The following DPH6 variants were observed in gnomAD, a reference collection of about 807,000 sequenced individuals.
The protein encoded by DPH6 is diphthamine biosynthesis 6, also known as diphthine--ammonia ligase.
DPH6 carries 33 observed loss-of-function variants against 38.2 expected under a neutral mutation model. The ratio of observed to expected loss-of-function variants is 0.86; its 90% confidence interval spans 0.65 to 1.15. The LOEUF (loss-of-function observed/expected upper bound fraction) is 1.15. Ranked by LOEUF, DPH6 falls within the 50% of genes most tolerant of loss-of-function variation. DPH6 has a pLI of 0.00. For missense variants in DPH6, 325 were observed against 320.0 expected (o/e 1.02, Z -0.12); for synonymous variants, 108 against 103.0 (o/e 1.05, Z -0.30).
At chr15:35,496,889 C>G (rs1167091678) in intron 3 of DPH6, among the ~76,000 whole-genome samples, 1 of 151,996 alleles carries the variant, frequency 6.6e-6, no homozygotes, top group Non-Finnish European at 1.5e-5. Flanking sequence ...GCTCTCCCAC[C>G]TGCCAGAGGT....
At chr15:35,307,879 T>C (rs1052490161) in intron 3 of DPH6, among the ~76,000 whole-genome samples, 8 of 152,176 alleles carry the variant, frequency 5.3e-5, no homozygotes, top group Admixed American at 5.2e-4. Context: ...AGGTGAATGA[T>C]GGTACAAAAT....
the DPH6 span, among the ~76,000 whole-genome samples, chr15:35,206,185 C>T: frequency 6.6e-6 from 1 of 152,038 alleles, no homozygotes; most frequent in African/African-American, 2.4e-5. Context: ...GTGAAGTCCT[C>T]TGGATTTTGT....
intron 3 of DPH6, among the ~76,000 whole-genome samples, chr15:35,475,136 T>A (rs1306515119): frequency 6.6e-6 from 1 of 151,970 alleles, no homozygotes; most frequent in Non-Finnish European, 1.5e-5. Context: ...TTCCAGCTGA[T>A]AAACATTAAA....
At chr15:35,253,676 A>G (rs2051689327) in intron 3 of DPH6, among the ~76,000 whole-genome samples, 1 of 152,174 alleles carries the variant, frequency 6.6e-6, no homozygotes, top group African/African-American at 2.4e-5. Flanking sequence ...TCATCTGTCA[A>G]TTTTGACGCA....
chr15:35,188,392 C>A, the DPH6 span, among the ~76,000 whole-genome samples: 3 of 152,112 alleles, frequency 2.0e-5, no homozygotes, highest in African/African-American at 4.8e-5. Flanking sequence ...GGCCACTGTG[C>A]ATGCAGACAG....
At chr15:35,240,987 G>A (rs368786303) in intron 3 of DPH6, among the ~76,000 whole-genome samples, 95 of 139,928 alleles carry the variant, frequency 6.8e-4, no homozygotes, top group South Asian at 3.8e-3. Context: ...ACTTCCAAAC[G>A]CCTGAACCGC....
At chr15:35,155,165 A>G in the DPH6 span, among the ~76,000 whole-genome samples, 1 of 152,218 alleles carries the variant, frequency 6.6e-6, no homozygotes, top group African/African-American at 2.4e-5. Context: ...ACTACAGTGC[A>G]CATTGCCCGA....
chr15:35,221,795 T>G (rs2140385015), intron 3 of DPH6, among the ~76,000 whole-genome samples: 1 of 152,322 alleles, frequency 6.6e-6, no homozygotes, highest in African/African-American at 2.4e-5. Flanking sequence ...TTCCAAGTGG[T>G]TACATTCTGC....
chr15:35,349,041 T>G (rs2052486105), intron 3 of DPH6, among the ~76,000 whole-genome samples: 1 of 152,144 alleles, frequency 6.6e-6, no homozygotes, highest in African/African-American at 2.4e-5. Context: ...GTTTTAACAG[T>G]TTTTGGGTTT....
At chr15:35,402,051 C>T (rs1595533132) in intron 6 of DPH6, among the ~76,000 whole-genome samples, 1 of 152,176 alleles carries the variant, frequency 6.6e-6, no homozygotes, top group Non-Finnish European at 1.5e-5. Flanking sequence ...TGTGCCCATG[C>T]TGTTGATTGC....
intron 3 of DPH6, among the ~76,000 whole-genome samples, chr15:35,505,805 A>T (rs112392882): frequency 1.3e-5 from 2 of 152,272 alleles, no homozygotes; most frequent in African/African-American, 4.8e-5. Flanking sequence ...TCTAGCCTCA[A>T]ACAGGAAAAG....
intron 3 of DPH6, among the ~76,000 whole-genome samples, chr15:35,515,404 GT>G (rs2054831563): frequency 6.6e-6 from 1 of 151,914 alleles, no homozygotes; most frequent in Non-Finnish European, 1.5e-5. Context: ...ACCAGCCTGG[GT>G]AACACAACAA....
intron 3 of DPH6, among the ~76,000 whole-genome samples, chr15:35,311,743 T>C (rs2052143487): frequency 6.6e-6 from 1 of 152,136 alleles, no homozygotes; most frequent in South Asian, 2.1e-4. Flanking sequence ...ATATTTTAGC[T>C]CAACATAAGG....
intron 3 of DPH6, among the ~76,000 whole-genome samples, chr15:35,230,900 C>T (rs546080818): frequency 1.3e-5 from 2 of 152,328 alleles, no homozygotes; most frequent in Admixed American, 1.3e-4. Flanking sequence ...GTCCTCCCCA[C>T]TTTTCCATCT....
intron 3 of DPH6, among the ~76,000 whole-genome samples, chr15:35,364,322 A>G (rs2052638301): frequency 6.6e-6 from 1 of 152,026 alleles, no homozygotes; most frequent in South Asian, 2.1e-4. Flanking sequence ...TCACATACCT[A>G]TCATTCGCCA....
chr15:35,171,617 T>C, the DPH6 span, among the ~76,000 whole-genome samples: 1 of 152,054 alleles, frequency 6.6e-6, no homozygotes, highest in Non-Finnish European at 1.5e-5. Flanking sequence ...AGATAAAATA[T>C]AAGAAATTAT....
intron 6 of DPH6, among the ~76,000 whole-genome samples, chr15:35,405,488 A>G (rs1197140743): frequency 6.6e-6 from 1 of 151,434 alleles, no homozygotes; most frequent in Admixed American, 6.6e-5. Context: ...TACTTTTTTG[A>G]TTTCTTTTTC....
intron 3 of DPH6, among the ~76,000 whole-genome samples, chr15:35,506,073 TTTG>T (rs1384943349): frequency 5.9e-5 from 9 of 152,152 alleles, no homozygotes; most frequent in Non-Finnish European, 1.2e-4. Flanking sequence ...GAAACTTTGA[TTTG>T]TTAAGGAAAA....
the DPH6 span, among the ~76,000 whole-genome samples, chr15:35,154,823 C>T: frequency 3.3e-5 from 5 of 152,184 alleles, no homozygotes; most frequent in South Asian, 4.2e-4. Flanking sequence ...GGCCCTACAC[C>T]GCCATAAGAT....
Sources: gnomAD v4.1 joint callset for allele counts (sites outside exome capture counted in the v4.1 genomes callset) on GRCh38, gnomAD v4.1.1 for gene constraint, MANE v1.5 for transcripts, NCBI Gene and HGNC (gene_info 2026-07-23, HGNC 2026-07-21) for gene names.